Variants in CFAP299 observed in about 807,000 individuals in gnomAD.
CFAP299 encodes the protein cilia- and flagella-associated protein 299.
CFAP299 carries 21 observed loss-of-function variants against 27.0 expected under a neutral mutation model. That is an observed-to-expected ratio of 0.78 (90% CI 0.55 to 1.12). The LOEUF (loss-of-function observed/expected upper bound fraction) is 1.12, where lower values mean the gene tolerates loss of function less well. CFAP299 is among the 50% of genes most tolerant of loss of function. The pLI is 0.00. For missense variants in CFAP299, 310 were observed against 276.6 expected, an observed-to-expected ratio of 1.12 and a Z score of -0.86; for synonymous variants, 104 against 98.1, an observed-to-expected ratio of 1.06 and a Z score of -0.36.
At chr4:80,754,671 TA>T (rs1560734905) in intron 3 of CFAP299, among the ~76,000 whole-genome samples, 1 of 152,034 alleles carries the variant, frequency 6.6e-6, no homozygotes, top group Non-Finnish European at 1.5e-5. Flanking sequence ...GAGTATAAAT[TA>T]TGATTTTTTT....
chr4:80,507,392 A>G (rs1189557056), intron 2 of CFAP299, among the ~76,000 whole-genome samples: 1 of 152,130 alleles, frequency 6.6e-6, no homozygotes, highest in Non-Finnish European at 1.5e-5. Flanking sequence ...AACTATTGTT[A>G]GTGTATTTGG....
chr4:80,545,909 C>T (rs186951531), intron 2 of CFAP299, among the ~76,000 whole-genome samples: 2 of 152,286 alleles, frequency 1.3e-5, no homozygotes, highest in African/African-American at 2.4e-5. Context: ...CTACCACAAT[C>T]GAGCAGGCTT....
At chr4:80,746,080 A>G (rs1578084852) in intron 3 of CFAP299, among the ~76,000 whole-genome samples, 1 of 152,050 alleles carries the variant, frequency 6.6e-6, no homozygotes, top group Non-Finnish European at 1.5e-5. Flanking sequence ...GGGCTTTTCT[A>G]TAGATAGAGA....
At chr4:80,414,291 C>T (rs1021757595) in intron 2 of CFAP299, among the ~76,000 whole-genome samples, 4 of 151,480 alleles carry the variant, frequency 2.6e-5, no homozygotes, top group African/African-American at 9.7e-5. Context: ...AGGATGGTCT[C>T]GATCTCCTGA....
chr4:80,764,971 G>C (rs1419419231), intron 3 of CFAP299, among the ~76,000 whole-genome samples: 2 of 152,072 alleles, frequency 1.3e-5, no homozygotes, highest in African/African-American at 2.4e-5. Context: ...GATAGCATAA[G>C]GACAAATACC....
intron 1 of CFAP299, among the ~76,000 whole-genome samples, chr4:80,359,541 T>C (rs982134767): frequency 6.6e-6 from 1 of 152,188 alleles, no homozygotes; most frequent in African/African-American, 2.4e-5. Context: ...CTCTCTATTC[T>C]TGTCTGACTG....
intron 2 of CFAP299, chr4:80,387,670 T>A (rs1399810699): frequency 6.4e-7 from 1 of 1,564,238 alleles, no homozygotes; most frequent in Non-Finnish European, 8.8e-7. Context: ...TTTCTTAACA[T>A]TAGACTTCTG....
intron 3 of CFAP299, among the ~76,000 whole-genome samples, chr4:80,735,971 C>G (rs1262355761): frequency 6.6e-6 from 1 of 151,754 alleles, no homozygotes; most frequent in Non-Finnish European, 1.5e-5. Flanking sequence ...TGGGAGTATT[C>G]CTTTCTCTAT....
chr4:80,874,465 A>G (rs1733269917), intron 4 of CFAP299, among the ~76,000 whole-genome samples: 1 of 152,196 alleles, frequency 6.6e-6, no homozygotes, highest in African/African-American at 2.4e-5. Context: ...TTGTGCTGCT[A>G]TAACAAAATA....
chr4:80,782,376 GTTATTT>G (rs1560748814), intron 3 of CFAP299, among the ~76,000 whole-genome samples: 1 of 151,482 alleles, frequency 6.6e-6, no homozygotes, highest in Non-Finnish European at 1.5e-5. Flanking sequence ...CATACTTTTA[GTTATTT>G]TTAAACAACA....
chr4:80,842,979 T>C (rs1730946813), intron 3 of CFAP299, among the ~76,000 whole-genome samples: 1 of 152,006 alleles, frequency 6.6e-6, no homozygotes, highest in Non-Finnish European at 1.5e-5. Flanking sequence ...CTCATTTTGG[T>C]TGCAACAATT....
intron 3 of CFAP299, among the ~76,000 whole-genome samples, chr4:80,617,536 A>C (rs1013353292): frequency 6.6e-6 from 1 of 152,164 alleles, no homozygotes; most frequent in Non-Finnish European, 1.5e-5. Context: ...CAGATGGATC[A>C]AGAGGTCTGT....
chr4:80,661,519 C>A (rs2109981961), intron 3 of CFAP299, among the ~76,000 whole-genome samples: 1 of 152,206 alleles, frequency 6.6e-6, no homozygotes, highest in East Asian at 1.9e-4. Flanking sequence ...ATTTAATGGA[C>A]AATTATCACT....
intron 3 of CFAP299, among the ~76,000 whole-genome samples, chr4:80,662,435 G>T (rs1740900826): frequency 6.6e-6 from 1 of 152,006 alleles, no homozygotes; most frequent in Non-Finnish European, 1.5e-5. Context: ...AGTGTTGATG[G>T]GTTAGGAAGT....
Position 80,871,471 on chromosome 4 carries a change from A to G in CFAP299, c.476+1336A>G, listed in dbSNP as rs532555330. On this transcript the variant is annotated intron_variant, in intron 4 of 5. Coordinates refer to ENST00000358105, the MANE Select transcript of CFAP299 (RefSeq NM_152770.3). The stretch of plus-strand genomic sequence containing the variant: ...TAATAACTTATGGTTTCCAAACTCA[A>G]TTGAGTCCTTTATGATTCTTAAAAC... 257 of 985,392 alleles carry G rather than the reference A, an allele frequency of 2.6e-4. 1 individual carries two copies. The African/African-American group carries it at 4.2e-3, about 16-fold the overall frequency. The allele number at this position is 985,392 out of a possible 1,614,324, so 61.0% of individuals were successfully genotyped here. A position where few individuals can be genotyped will look rare whatever the true frequency, so the allele number is the denominator to read the frequency against.
At chr4:80,452,572 T>C (rs946993168) in intron 2 of CFAP299, among the ~76,000 whole-genome samples, 4 of 152,320 alleles carry the variant, frequency 2.6e-5, no homozygotes, top group Non-Finnish European at 5.9e-5. Context: ...TTTTAGATGA[T>C]AGAAATTCAA....
At position 80,792,372 on chromosome 4, in the gene CFAP299, T is replaced by A. The variant is rs151067526; in HGVS notation, c.334-77621T>A. ...CGTTAGGATTTATTATACTTTTGGATTAAACTCCTAAACTGTAAGTAATAG... is the reference window on the plus strand; with the variant it reads ...CGTTAGGATTTATTATACTTTTGGAATAAACTCCTAAACTGTAAGTAATAG... On this transcript the variant is annotated intron_variant, in intron 3 of 5. Transcript: ENST00000358105. Among the ~76,000 whole-genome samples, 624 of 152,162 alleles carry A rather than the reference T, an allele frequency of 4.1e-3. 5 individuals are homozygous for A. The highest frequency in any genetic ancestry group is 5.7e-3 in the Non-Finnish European group (389 of 67,988).
At chr4:80,582,354 A>T (rs1419197811) in intron 2 of CFAP299, among the ~76,000 whole-genome samples, 2 of 151,906 alleles carry the variant, frequency 1.3e-5, no homozygotes, top group Admixed American at 1.3e-4. Context: ...ACCATAGTCA[A>T]CTTGAGAGCA....
At chr4:80,866,059 TTATATATATATATATATATATATA>T (rs70956073) in intron 3 of CFAP299, among the ~76,000 whole-genome samples, 6 of 58,374 alleles carry the variant, frequency 1.0e-4, no homozygotes, top group African/African-American at 1.1e-4. Context: ...ACTTAAAGTA[TTATATATATATATATATATATATA>T]TATATATATA....
Sources: gnomAD v4.1 joint callset for allele counts (sites outside exome capture counted in the v4.1 genomes callset) on GRCh38, gnomAD v4.1.1 for gene constraint, MANE v1.5 for transcripts, NCBI Gene and HGNC (gene_info 2026-07-23, HGNC 2026-07-21) for gene names.